Variants in PRDM5 observed in about 807,000 individuals in gnomAD.
PRDM5 encodes PR/SET domain 5, also known as PR domain zinc finger protein 5.
In PRDM5, 56 loss-of-function variants were observed where a neutral mutation model predicts 81.2. That is an observed-to-expected ratio of 0.69 (90% CI 0.56 to 0.86). PRDM5 has a LOEUF of 0.86. Among genes scored for constraint, PRDM5 ranks in the 40% least tolerant of loss-of-function variants. The pLI, the probability that PRDM5 is intolerant of heterozygous loss-of-function variation, is 0.00. For synonymous variants in PRDM5, 267 were observed against 256.4 expected, an observed-to-expected ratio of 1.04 and a Z score of -0.39; for missense variants, 697 against 770.1, an observed-to-expected ratio of 0.91 and a Z score of 1.12.
rs192037209 is a variant in PRDM5, at chr4:120,744,607, G to A, written c.1623+9946C>T. Among the ~76,000 whole-genome samples, 361 of 152,184 alleles carry A rather than the reference G, an allele frequency of 2.4e-3. 1 individual carries two copies. The highest frequency in any genetic ancestry group is 8.3e-3 in the African/African-American group (344 of 41,506). On this transcript the variant is annotated intron_variant, in intron 14 of 15. Transcript: ENST00000264808. ...AAAATGATAAAGGGGATATTACCAC[G>A]GATCCCACAGAAATACAAACTACCA...
At chr4:120,830,065 C>T (rs1756519802) in intron 3 of PRDM5, among the ~76,000 whole-genome samples, 1 of 151,996 alleles carries the variant, frequency 6.6e-6, no homozygotes, top group Admixed American at 6.6e-5. Flanking sequence ...AGCTGACAAA[C>T]ATCAAGAAAA....
chr4:120,756,371 C>A (rs1744743099), intron 13 of PRDM5, among the ~76,000 whole-genome samples: 1 of 152,136 alleles, frequency 6.6e-6, no homozygotes, highest in Non-Finnish European at 1.5e-5. Context: ...ACCACATTCA[C>A]CTAGTTAGCA....
At chr4:120,894,418 A>G (rs897912162) in intron 2 of PRDM5, among the ~76,000 whole-genome samples, 3 of 152,172 alleles carry the variant, frequency 2.0e-5, no homozygotes, top group Admixed American at 1.3e-4. Context: ...CCATGTTTCC[A>G]TCAGGATTCC....
In PRDM5 at chr4:120,920,718, T is replaced by C. The variant is rs928255516; in HGVS notation, c.93+1798A>G. Reference sequence around the variant, plus strand: ...ACTAAACATCGATAATAGTTTGGATTCATAGCAAACATCTGCACATTCACT... The same window carrying C: ...ACTAAACATCGATAATAGTTTGGATCCATAGCAAACATCTGCACATTCACT... On this transcript the variant is annotated intron_variant, in intron 1 of 15. Transcript: ENST00000264808. Among the ~76,000 whole-genome samples, 3 of 152,254 alleles carry C rather than the reference T, an allele frequency of 2.0e-5. No individual in the cohort carries two copies. In the South Asian group the frequency reaches 6.2e-4, roughly 31 times the overall value.
chr4:120,869,839 ATC>A (rs1200151310), intron 2 of PRDM5, among the ~76,000 whole-genome samples: 5 of 152,204 alleles, frequency 3.3e-5, no homozygotes, highest in Admixed American at 2.0e-4. Flanking sequence ...GAGGTCTGGA[ATC>A]TCTGTTAGCA....
intron 2 of PRDM5, among the ~76,000 whole-genome samples, chr4:120,865,844 C>T (rs1761146292): frequency 6.6e-6 from 1 of 152,092 alleles, no homozygotes; most frequent in African/African-American, 2.4e-5. Context: ...TCTTCCTGAC[C>T]AAGAGTATCC....
chr4:120,787,321 T>C (rs2149254905), intron 10 of PRDM5, among the ~76,000 whole-genome samples: 1 of 152,166 alleles, frequency 6.6e-6, no homozygotes, highest in South Asian at 2.1e-4. Context: ...GTCAGAAGAA[T>C]GGGAGAAGTG....
chr4:120,688,305 C>T (rs1452564363), downstream of PRDM5, among the ~76,000 whole-genome samples: 1 of 151,714 alleles, frequency 6.6e-6, no homozygotes, highest in East Asian at 1.9e-4. Flanking sequence ...TACTCAAGTC[C>T]TTTGTCCATT....
chr4:120,690,560 A>G (rs1217496578), downstream of PRDM5, among the ~76,000 whole-genome samples: 1 of 152,172 alleles, frequency 6.6e-6, no homozygotes, highest in Non-Finnish European at 1.5e-5. Flanking sequence ...ATGAAAAAAG[A>G]TATGCCAGTC....
chr4:120,786,622 T>G (rs1475498714), intron 10 of PRDM5, among the ~76,000 whole-genome samples: 2 of 152,140 alleles, frequency 1.3e-5, no homozygotes, highest in African/African-American at 4.8e-5. Context: ...AAATGAAGAA[T>G]AACACTTTAA....
intron 13 of PRDM5, among the ~76,000 whole-genome samples, chr4:120,761,616 C>T (rs1745623785): frequency 6.6e-6 from 1 of 152,100 alleles, no homozygotes; most frequent in African/African-American, 2.4e-5. Context: ...ATAAAACGAT[C>T]CTAAAGCCAC....
chr4:120,697,724 G>A lies in PRDM5; in HGVS notation c.1729-2449C>T, dbSNP rs1245118654. 3.5e-5 allele frequency among the ~76,000 whole-genome samples: 4 copies of A among 115,824 alleles called. No homozygotes were observed. The Admixed American group carries it at 4.7e-4, about 13-fold the overall frequency. The allele number at this position is 115,824 out of a possible 152,430, so 76.0% of individuals were successfully genotyped here. On this transcript the variant is annotated intron_variant, in intron 15 of 15. Coordinates refer to ENST00000264808, the MANE Select transcript of PRDM5 (RefSeq NM_018699.4). ...TTTACCTATGAGATTTTACCATGTT[G>A]CTCAGGCTGATCTCATACTATTGGG...
Position 120,864,117 on chromosome 4 carries a change from G to A in PRDM5, c.178-10577C>T, listed in dbSNP as rs117453652. On this transcript the variant is annotated intron_variant, in intron 2 of 15. Transcript: ENST00000264808. ...AAGGGTGGAAACTCTGCCAAATCTC[G>A]ATTCAACTGCGAAAGATGAAGGGGA... Among the ~76,000 whole-genome samples the A allele has an allele frequency of 4.3e-4, 65 of 152,240 alleles. No individual in the cohort carries two copies. In the East Asian group the frequency reaches 9.6e-3, roughly 23 times the overall value.
chr4:120,827,755 A>G (rs1756191590), intron 3 of PRDM5, among the ~76,000 whole-genome samples: 1 of 152,044 alleles, frequency 6.6e-6, no homozygotes, highest in Admixed American at 6.6e-5. Context: ...GGCTAATATC[A>G]AGGCCTGAGG....
chr4:120,895,180 G>C (rs1343047544), intron 2 of PRDM5, among the ~76,000 whole-genome samples: 1 of 152,196 alleles, frequency 6.6e-6, no homozygotes, highest in African/African-American at 2.4e-5. Context: ...CCAGCTTCCA[G>C]CAAAGCAAAG....
intron 14 of PRDM5, among the ~76,000 whole-genome samples, chr4:120,726,116 C>T (rs993530948): frequency 6.6e-6 from 1 of 152,172 alleles, no homozygotes; most frequent in African/African-American, 2.4e-5. Context: ...AAGGGCAGTG[C>T]TTTGGACTGA....
At chr4:120,839,354 G>A (rs1757731341) in intron 3 of PRDM5, 1 of 694,984 alleles carries the variant, frequency 1.4e-6, no homozygotes, top group African/African-American at 1.8e-5. Flanking sequence ...CAACAGAACA[G>A]CTCAGAGGAA....
At chr4:120,884,718 G>A (rs1393416802) in intron 2 of PRDM5, among the ~76,000 whole-genome samples, 1 of 152,096 alleles carries the variant, frequency 6.6e-6, no homozygotes, top group African/African-American at 2.4e-5. Flanking sequence ...TGTACACCCT[G>A]ACCATCCTCC....
At chr4:120,691,773 A>G (rs1159166935), downstream of PRDM5, 1 of 152,048 alleles carries the variant, frequency 6.6e-6, no homozygotes, top group African/African-American at 2.4e-5. Flanking sequence ...TTGGATGTAT[A>G]AAGTATAAAA....
Sources: gnomAD v4.1 joint callset for allele counts (sites outside exome capture counted in the v4.1 genomes callset) on GRCh38, gnomAD v4.1.1 for gene constraint, MANE v1.5 for transcripts, NCBI Gene and HGNC (gene_info 2026-07-23, HGNC 2026-07-21) for gene names.